Variants in AGMO observed in about 807,000 individuals in gnomAD.
AGMO encodes the protein glyceryl-ether monooxygenase.
AGMO carries 75 observed loss-of-function variants against 60.2 expected under a neutral mutation model. The ratio of observed to expected loss-of-function variants is 1.25; its 90% CI spans 1.03 to 1.51. AGMO has a LOEUF of 1.51. AGMO is among the 40% of genes most tolerant of loss of function. AGMO has a pLI of 0.00. For synonymous variants in AGMO, 261 were observed against 177.1 expected, an observed-to-expected ratio of 1.47 and a Z score of -3.76; for missense variants, 763 against 525.5, an observed-to-expected ratio of 1.45 and a Z score of -4.42.
chr7:15,349,108 TAGAG>T (rs1212287196), intron 12 of AGMO, among the ~76,000 whole-genome samples: 3 of 152,128 alleles, frequency 2.0e-5, no homozygotes, highest in African/African-American at 7.2e-5. Flanking sequence ...AGGCCTTTAC[TAGAG>T]GCACATGGAC....
intron 6 of AGMO, among the ~76,000 whole-genome samples, chr7:15,391,121 T>C (rs139059794): frequency 0.01 from 1,578 of 152,184 alleles, 99 homozygotes; most frequent in Admixed American, 0.093. Context: ...AAGTGTTTTC[T>C]TAAAGCTAGA....
chr7:15,465,825 A>C (rs1782269549), intron 3 of AGMO, among the ~76,000 whole-genome samples: 1 of 152,002 alleles, frequency 6.6e-6, no homozygotes, highest in Admixed American at 6.6e-5. Context: ...ACCAGTCAAT[A>C]AGGAAAAGCA....
At chr7:15,388,280 G>C (rs1038913679) in intron 8 of AGMO, among the ~76,000 whole-genome samples, 6 of 152,040 alleles carry the variant, frequency 3.9e-5, no homozygotes, top group Admixed American at 2.6e-4. Context: ...CTAAGCATGT[G>C]GGTTACTTAT....
At chr7:15,249,459 T>C (rs1782866155) in intron 12 of AGMO, among the ~76,000 whole-genome samples, 1 of 152,336 alleles carries the variant, frequency 6.6e-6, no homozygotes, top group South Asian at 2.1e-4. Flanking sequence ...TTAGAGTGTA[T>C]GACACTTTAA....
At chr7:15,177,710 T>C in the AGMO span, among the ~76,000 whole-genome samples, 2 of 152,150 alleles carry the variant, frequency 1.3e-5, no homozygotes, top group Admixed American at 6.6e-5. Context: ...TAATTCTCTT[T>C]ACTTTTTTAA....
intron 12 of AGMO, among the ~76,000 whole-genome samples, chr7:15,364,018 A>C (rs975194785): frequency 2.0e-5 from 3 of 152,038 alleles, no homozygotes; most frequent in Non-Finnish European, 2.9e-5. Context: ...TTGAAGAAAC[A>C]AAATGAACAT....
At chr7:15,500,636 C>G (rs1055339289) in intron 3 of AGMO, among the ~76,000 whole-genome samples, 1 of 151,750 alleles carries the variant, frequency 6.6e-6, no homozygotes, top group Non-Finnish European at 1.5e-5. Context: ...AGAAAAGAAC[C>G]AACTTCTGAA....
intron 3 of AGMO, among the ~76,000 whole-genome samples, chr7:15,486,831 T>C (rs1367639010): frequency 1.3e-5 from 2 of 152,142 alleles, no homozygotes; most frequent in African/African-American, 4.8e-5. Flanking sequence ...ATAGACAAAA[T>C]CATTTTGCGT....
intron 12 of AGMO, among the ~76,000 whole-genome samples, chr7:15,248,424 C>T (rs1271102426): frequency 6.6e-6 from 1 of 151,282 alleles, no homozygotes; most frequent in Non-Finnish European, 1.5e-5. Context: ...TTATCTAGAC[C>T]AGAGATGGCA....
intron 12 of AGMO, among the ~76,000 whole-genome samples, chr7:15,305,664 T>G (rs903386618): frequency 5.3e-5 from 8 of 152,008 alleles, no homozygotes; most frequent in Admixed American, 1.3e-4. Context: ...CTAGAATTTG[T>G]AAAGAAGATC....
intron 4 of AGMO, among the ~76,000 whole-genome samples, chr7:15,422,716 T>C (rs61568756): frequency 0.013 from 1,934 of 152,108 alleles, 36 homozygotes; most frequent in African/African-American, 0.045. Flanking sequence ...GTACGCAGTA[T>C]TTAGGGGTCA....
intron 3 of AGMO, among the ~76,000 whole-genome samples, chr7:15,519,407 ATAAGGTCGGGTT>A (rs1203613860): frequency 6.6e-6 from 1 of 152,082 alleles, no homozygotes; most frequent in East Asian, 1.9e-4. Context: ...CAGCCAGAGA[ATAAGGTCGGGTT>A]ACCCACAAAG....
intron 10 of AGMO, among the ~76,000 whole-genome samples, chr7:15,382,689 T>C (rs1242577641): frequency 1.3e-5 from 2 of 152,210 alleles, no homozygotes; most frequent in African/African-American, 4.8e-5. Flanking sequence ...AAGCGCTGCA[T>C]GTTTGAACTG....
the AGMO span, among the ~76,000 whole-genome samples, chr7:15,163,080 G>A: frequency 6.6e-6 from 1 of 152,044 alleles, no homozygotes; most frequent in Admixed American, 6.6e-5. Flanking sequence ...TTTTGCGGGG[G>A]CTTATTGTAA....
At chr7:15,234,136 C>T (rs1043660766) in intron 12 of AGMO, among the ~76,000 whole-genome samples, 4 of 152,096 alleles carry the variant, frequency 2.6e-5, no homozygotes, top group South Asian at 2.1e-4. Context: ...CTACAACTTC[C>T]GAAAATGAGA....
chr7:15,304,350 C>T (rs1350689310), intron 12 of AGMO, among the ~76,000 whole-genome samples: 1 of 152,064 alleles, frequency 6.6e-6, no homozygotes, highest in African/African-American at 2.4e-5. Flanking sequence ...TAACAGCGTA[C>T]CCAGCAAACA....
chr7:15,459,599 T>TG lies in AGMO; in HGVS notation c.410-28492_410-28491insC, dbSNP rs1554274867. ...GATCTTTAAATGTGTGTATGTGCGT[T>TG]TGTGTGTGTGTGTGTGTGTGTGTGT... On this transcript the variant is annotated intron_variant, in intron 3 of 12. Transcript: ENST00000342526. 6.3e-5 allele frequency among the ~76,000 whole-genome samples: 9 copies of TG among 142,232 alleles called. No individual in the cohort carries two copies. In the South Asian group the frequency reaches 1.4e-3, roughly 22 times the overall value. 93.3% of individuals were successfully genotyped at this position (142,232 alleles called of 152,430 possible).
chr7:15,278,903 G>A (rs1783881047), intron 12 of AGMO, among the ~76,000 whole-genome samples: 1 of 152,156 alleles, frequency 6.6e-6, no homozygotes, highest in African/African-American at 2.4e-5. Context: ...ACTGAAGCAT[G>A]GACCCCATTT....
chr7:15,176,782 G>T, the AGMO span, among the ~76,000 whole-genome samples: 2 of 151,928 alleles, frequency 1.3e-5, no homozygotes, highest in Admixed American at 6.6e-5. Context: ...GAGCTTATTT[G>T]TCTTAAAACT....
Sources: gnomAD v4.1 joint callset for allele counts (sites outside exome capture counted in the v4.1 genomes callset) on GRCh38, gnomAD v4.1.1 for gene constraint, MANE v1.5 for transcripts, NCBI Gene and HGNC (gene_info 2026-07-23, HGNC 2026-07-21) for gene names.